Variants in VMP1 observed in about 807,000 individuals in gnomAD.
VMP1 encodes vacuole membrane protein 1.
In VMP1, 11 loss-of-function variants were observed where a neutral mutation model predicts 56.0. The observed-to-expected ratio is 0.20, with a 90% CI of 0.12 to 0.32. The LOEUF (loss-of-function observed/expected upper bound fraction) is 0.32. VMP1 is among the 10% of genes least tolerant of loss of function. The pLI is 1.00. For synonymous variants in VMP1, 149 were observed against 165.0 expected (o/e 0.90, Z 0.74); for missense variants, 296 against 490.3 (o/e 0.60, Z 3.74).
chr17:59,708,465 C>T (rs1049590433), intron 1 of VMP1, among the ~76,000 whole-genome samples: 2 of 152,180 alleles, frequency 1.3e-5, no homozygotes, highest in Non-Finnish European at 2.9e-5. Flanking sequence ...TTACTTATGA[C>T]CTCCAGAAGA....
intron 7 of VMP1, among the ~76,000 whole-genome samples, chr17:59,791,939 T>C (rs2037245064): frequency 1.3e-5 from 2 of 152,160 alleles, no homozygotes; most frequent in African/African-American, 2.4e-5. Context: ...ACTTAAACTC[T>C]GCATTTCTTT....
chr17:59,767,562 A>G (rs1199024879), intron 6 of VMP1, among the ~76,000 whole-genome samples: 2 of 152,194 alleles, frequency 1.3e-5, no homozygotes, highest in East Asian at 1.9e-4. Context: ...TCTTAATATT[A>G]TACTTTTGTT....
chr17:59,804,340 G>A (rs918111764), intron 7 of VMP1, among the ~76,000 whole-genome samples: 31 of 151,922 alleles, frequency 2.0e-4, no homozygotes, highest in Admixed American at 6.6e-5. Context: ...TGGGCCTGGC[G>A]CACCGGCTCA....
intron 7 of VMP1, among the ~76,000 whole-genome samples, chr17:59,789,984 C>A (rs2037166934): frequency 6.6e-6 from 1 of 151,662 alleles, no homozygotes; most frequent in Admixed American, 6.6e-5. Flanking sequence ...GGACTACAAG[C>A]ACACGCCACC....
intron 1 of VMP1, among the ~76,000 whole-genome samples, chr17:59,730,651 G>C (rs766532539): frequency 3.0e-4 from 46 of 152,274 alleles, no homozygotes; most frequent in Non-Finnish European, 6.3e-4. Flanking sequence ...CAGCATTTTA[G>C]CCTTTTATTG....
At chr17:59,759,877 TG>T (rs1568094622) in intron 5 of VMP1, among the ~76,000 whole-genome samples, 1 of 147,350 alleles carries the variant, frequency 6.8e-6, no homozygotes, top group Non-Finnish European at 1.5e-5. Flanking sequence ...TTTTTTGTTT[TG>T]TTTTGTTTTG....
chr17:59,809,021 C>T (rs1477902412), intron 8 of VMP1, 145 bp downstream of exon 8: 17 of 651,968 alleles, frequency 2.6e-5, no homozygotes, highest in East Asian at 9.0e-5. Flanking sequence ...TTTTTTAAGA[C>T]GGAGTCTCCC....
intron 8 of VMP1, among the ~76,000 whole-genome samples, chr17:59,810,419 G>T (rs767444357): frequency 7.9e-5 from 12 of 152,116 alleles, no homozygotes; most frequent in Non-Finnish European, 1.3e-4. Context: ...CTCCCAAAGT[G>T]CTGGGATTAT....
At chr17:59,780,845 C>T (rs1050687557) in intron 7 of VMP1, among the ~76,000 whole-genome samples, 6 of 152,142 alleles carry the variant, frequency 3.9e-5, no homozygotes, top group African/African-American at 1.4e-4. Context: ...GCCTGGGCCT[C>T]CCAGAGTGCT....
In VMP1 at chr17:59,773,900, G is replaced by A; in HGVS notation, c.714+15G>A. ...AGTCTGCACAAGTAAGAACAGTGGG[G>A]ATAGAAAATAGAACACTTTACTTCT... On this transcript the variant is annotated intron_variant, in intron 7 of 11. Transcript: ENST00000262291. 4 of 1,590,040 alleles carry A rather than the reference G, an allele frequency of 2.5e-6. No individual in the cohort carries two copies. The highest frequency in any genetic ancestry group is 2.6e-6 in the Non-Finnish European group (3 of 1,169,190).
chr17:59,765,222 A>G lies in VMP1; in HGVS notation c.582+84A>G, dbSNP rs186790732. ...TACCTTATTGAAATGGAATCTAAAC[A>G]TATTCCTTGTCAGTAAATGATTCAG... is the stretch of plus-strand genomic sequence containing the variant. On this transcript the variant is annotated intron_variant, in intron 6 of 11. Coordinates refer to ENST00000262291, the MANE Select transcript of VMP1 (RefSeq NM_030938.5). 7.7e-6 allele frequency: 11 copies of G among 1,430,378 alleles called. No individual in the cohort carries two copies. The East Asian group carries it at 1.4e-4, about 19-fold the overall frequency. The allele number at this position is 1,430,378 out of a possible 1,614,324, so 88.6% of individuals were successfully genotyped here.
intron 5 of VMP1, among the ~76,000 whole-genome samples, chr17:59,756,175 C>T (rs979454528): frequency 1.3e-5 from 2 of 152,058 alleles, no homozygotes; most frequent in Non-Finnish European, 2.9e-5. Flanking sequence ...TTGCTGTAGA[C>T]CATAACCTTG....
chr17:59,774,946 T>G (rs1453293317), intron 7 of VMP1, among the ~76,000 whole-genome samples: 1 of 151,452 alleles, frequency 6.6e-6, no homozygotes, highest in Non-Finnish European at 1.5e-5. Flanking sequence ...AAAAAATTTT[T>G]TTTTTTTTTT....
chr17:59,832,633 G>A (rs184697892), intron 10 of VMP1, among the ~76,000 whole-genome samples: 231 of 150,636 alleles, frequency 1.5e-3, no homozygotes, highest in African/African-American at 5.0e-3. Context: ...TCGCTCTGTC[G>A]CCCAGGCTGG....
rs2039133013 is a variant in VMP1, at chr17:59,840,786, TG to T, written c.*877del. The T allele has an allele frequency of 6.6e-6, 1 of 152,454 alleles. No individual in the cohort carries two copies. Among genetic ancestry groups the T allele is most frequent in the Non-Finnish European group, 1.5e-5 (1 of 68,230 alleles). The allele number at this position is 152,454 out of a possible 1,614,324, so 9.4% of individuals were successfully genotyped here. On this transcript the variant is annotated 3_prime_UTR_variant, in exon 12 of 12. Transcript: ENST00000262291. Reference sequence around the variant, plus strand: ...TACTGCTAAATGGCACCTCTGGGATTGGCCTACCTGGGGATTTCTTGGTTTG... The same window carrying T: ...TACTGCTAAATGGCACCTCTGGGATTGCCTACCTGGGGATTTCTTGGTTTG...
chr17:59,729,905 T>TG (rs2034759861), intron 1 of VMP1: 1 of 152,184 alleles, frequency 6.6e-6, no homozygotes, highest in South Asian at 2.1e-4. Context: ...AGGCTAGTCT[T>TG]GAACTCCTGA....
chr17:59,735,850 T>A (rs1022169665), intron 3 of VMP1: 2 of 162,764 alleles, frequency 1.2e-5, no homozygotes, highest in African/African-American at 4.8e-5. Flanking sequence ...GTGGCAGTTT[T>A]ACTGATAGTT....
intron 5 of VMP1, among the ~76,000 whole-genome samples, chr17:59,762,905 A>G (rs2036108211): frequency 6.6e-6 from 1 of 152,184 alleles, no homozygotes; most frequent in Non-Finnish European, 1.5e-5. Context: ...TATTTCTGGA[A>G]TGCAAATATA....
At chr17:59,778,368 A>T (rs1233166384) in intron 7 of VMP1, among the ~76,000 whole-genome samples, 1 of 151,748 alleles carries the variant, frequency 6.6e-6, no homozygotes, top group Non-Finnish European at 1.5e-5. Flanking sequence ...GTGAAACCCC[A>T]TCTCTACTAA....
Sources: allele counts gnomAD v4.1 joint callset (sites outside exome capture counted in the v4.1 genomes callset), GRCh38; gene constraint gnomAD v4.1.1; transcripts MANE v1.5; gene names NCBI Gene and HGNC (gene_info 2026-07-23, HGNC 2026-07-21).